The following LAPTM4B variants were observed in gnomAD, a reference collection of about 807,000 sequenced individuals.
The protein encoded by LAPTM4B is lysosomal protein transmembrane 4 beta.
Under a neutral mutation model 28.5 loss-of-function variants are expected in LAPTM4B, and 26 were observed. The ratio of observed to expected loss-of-function variants is 0.91; its 90% CI spans 0.67 to 1.27. The LOEUF is 1.27. Among genes scored for constraint, LAPTM4B ranks in the 50% most tolerant of loss-of-function variants. The probability of loss-of-function intolerance (pLI) is 0.00; values close to 1 mark genes in which losing one functional copy is unlikely to be tolerated. For missense variants in LAPTM4B, 288 were observed against 285.8 expected (o/e 1.01, Z -0.06); for synonymous variants, 109 against 106.4 (o/e 1.02, Z -0.15).
chr8:97,826,987 A>T (rs978263317), intron 6 of LAPTM4B, among the ~76,000 whole-genome samples: 4 of 152,262 alleles, frequency 2.6e-5, no homozygotes, highest in African/African-American at 9.6e-5. Flanking sequence ...CACAAGATAC[A>T]TCAGAACCTC....
rs546425169 is a variant in LAPTM4B at position 97,800,484 on chromosome 8, C to CTTT, written c.100-4844_100-4842dup. On this transcript the variant is annotated intron_variant, in intron 1 of 6. Coordinates refer to ENST00000521545, the MANE Select transcript of LAPTM4B (RefSeq NM_018407.6). The stretch of plus-strand genomic sequence containing the variant: ...CTTCTGTAATATTACCCCTTGACCT[C>CTTT]TTTTTTTTTTTTTTTTTTTTTTTTT... Among the ~76,000 whole-genome samples, 384 of 69,328 alleles carry CTTT rather than the reference C, an allele frequency of 5.5e-3. 48 individuals carry two copies. The highest frequency in any genetic ancestry group is 0.025 in the African/African-American group (340 of 13,394). The allele number at this position is 69,328 out of a possible 152,430, so 45.5% of individuals were successfully genotyped here. A position where few individuals can be genotyped will look rare whatever the true frequency, so the allele number is the denominator to read the frequency against.
At chr8:97,847,272 T>A (rs1359956715) in intron 6 of LAPTM4B, among the ~76,000 whole-genome samples, 2 of 152,236 alleles carry the variant, frequency 1.3e-5, no homozygotes, top group Admixed American at 6.5e-5. Flanking sequence ...TAGATTAGAA[T>A]TTGGTTGTAT....
chr8:97,814,757 G>A (rs1016622077), intron 2 of LAPTM4B, among the ~76,000 whole-genome samples: 9 of 118,430 alleles, frequency 7.6e-5, no homozygotes, highest in Non-Finnish European at 1.4e-4. Flanking sequence ...GCAGTGGCGC[G>A]ATCTCGGCTC....
At chr8:97,777,127 T>C (rs1218045985) in intron 1 of LAPTM4B, among the ~76,000 whole-genome samples, 1 of 149,314 alleles carries the variant, frequency 6.7e-6, no homozygotes, top group Non-Finnish European at 1.5e-5. Flanking sequence ...ATATAACTTT[T>C]TTCAGTGAGG....
chr8:97,842,356 G>C (rs990303911), intron 6 of LAPTM4B, among the ~76,000 whole-genome samples: 1 of 151,900 alleles, frequency 6.6e-6, no homozygotes, highest in Non-Finnish European at 1.5e-5. Flanking sequence ...AGCCTTACTA[G>C]AAATTTAGGC....
intron 6 of LAPTM4B, among the ~76,000 whole-genome samples, chr8:97,837,288 G>C (rs1817277428): frequency 6.7e-6 from 1 of 150,254 alleles, no homozygotes; most frequent in Admixed American, 6.7e-5. Context: ...TGCTTCCCAG[G>C]TTCACGTTAT....
rs1239022473 is a variant in LAPTM4B, at chr8:97,831,959, G to A, written c.603+6806G>A. Among the ~76,000 whole-genome samples, 7 of 152,166 alleles carry A rather than the reference G, an allele frequency of 4.6e-5. No homozygotes were observed. The East Asian group carries it at 5.8e-4, about 13-fold the overall frequency. On this transcript the variant is annotated intron_variant, in intron 6 of 6. Coordinates refer to ENST00000521545, the MANE Select transcript of LAPTM4B (RefSeq NM_018407.6). ...GCTTGTTGGTGGGAGAAACCCCCAC[G>A]CCTTTGGTCACAGGAGCCTTCTGCT... is the stretch of plus-strand genomic sequence containing the variant.
At chr8:97,781,524 C>A (rs745566955) in intron 1 of LAPTM4B, among the ~76,000 whole-genome samples, 2 of 151,822 alleles carry the variant, frequency 1.3e-5, no homozygotes, top group East Asian at 3.9e-4. Flanking sequence ...GTGATCCGCC[C>A]GCCTCGGCCT....
chr8:97,829,658 A>G (rs1452967928), intron 6 of LAPTM4B, among the ~76,000 whole-genome samples: 2 of 151,186 alleles, frequency 1.3e-5, no homozygotes, highest in African/African-American at 4.9e-5. Flanking sequence ...AGTATGAGAT[A>G]TTGGGGGAGT....
rs533357153 is a variant in LAPTM4B, at chr8:97,850,244, C to G, written c.604-1153C>G. 3.2e-4 allele frequency among the ~76,000 whole-genome samples: 49 copies of G among 152,050 alleles called. 1 individual carries two copies. Among genetic ancestry groups the G allele is most frequent in the African/African-American group, 1.1e-3 (47 of 41,318 alleles). On this transcript the variant is annotated intron_variant, in intron 6 of 6. Coordinates refer to ENST00000521545, the MANE Select transcript of LAPTM4B (RefSeq NM_018407.6). ...GTGGCTTCTGTGTTCTGACTGGACC[C>G]TAGCCAGTACAGGTGCCCTCTGCCT... is the stretch of plus-strand genomic sequence containing the variant.
intron 2 of LAPTM4B, among the ~76,000 whole-genome samples, chr8:97,814,765 C>CT (rs1184507770): frequency 1.3e-4 from 15 of 118,326 alleles, no homozygotes; most frequent in African/African-American, 3.9e-4. Context: ...GCGATCTCGG[C>CT]TCACTGCAAG....
At chr8:97,819,089 C>G in intron 4 of LAPTM4B, 51 bp from the exon 5 acceptor site, 1 of 1,085,590 alleles carries the variant, frequency 9.2e-7, no homozygotes, top group Non-Finnish European at 1.4e-6. Flanking sequence ...CCAAGGAATA[C>G]TGTCTGGAAT....
chr8:97,817,641 G>A (rs183612154), intron 4 of LAPTM4B, among the ~76,000 whole-genome samples: 2 of 151,706 alleles, frequency 1.3e-5, no homozygotes, highest in African/African-American at 2.4e-5. Context: ...GTAGAGATGG[G>A]GTTTCACCAT....
intron 6 of LAPTM4B, among the ~76,000 whole-genome samples, chr8:97,839,819 T>C (rs143303804): frequency 6.6e-6 from 1 of 152,342 alleles, no homozygotes; most frequent in African/African-American, 2.4e-5. Context: ...TAGGGACAAA[T>C]AAGGCAAGGA....
rs1462511406 is a variant in LAPTM4B at position 97,776,255 on chromosome 8, G to C, written c.99+147G>C. On this transcript the variant is annotated intron_variant, in intron 1 of 6. Coordinates refer to ENST00000521545, the MANE Select transcript of LAPTM4B (RefSeq NM_018407.6). ...ACTTAATTCTCCGGGTGCCGCGTCCGCACTTCCCCCGGCTGGGCCAGCGCC... is the reference window on the plus strand; with the variant it reads ...ACTTAATTCTCCGGGTGCCGCGTCCCCACTTCCCCCGGCTGGGCCAGCGCC... 4.7e-6 allele frequency: 5 copies of C among 1,071,582 alleles called. No homozygotes were observed. The Middle Eastern group carries it at 9.8e-4, about 209-fold the overall frequency. The allele number at this position is 1,071,582 out of a possible 1,614,324, so 66.4% of individuals were successfully genotyped here.
chr8:97,776,136 C>T (rs771729760), intron 1 of LAPTM4B, 28 bp downstream of exon 1: 27 of 1,484,238 alleles, frequency 1.8e-5, no homozygotes, highest in Non-Finnish European at 2.5e-5. Context: ...GGCCCGGGAC[C>T]CTGCGTTGCT....
chr8:97,851,567 G>C lies in LAPTM4B; in HGVS notation c.*93G>C, dbSNP rs982790710. On this transcript the variant is annotated 3_prime_UTR_variant, in exon 7 of 7. Transcript: ENST00000521545. ...TTTCACTTTTGCCATGAGCCTCTCT[G>C]AGCTTGTTTGTTGCTGAAATGCTAC... The C allele has an allele frequency of 3.2e-6, 3 of 928,594 alleles. No individual in the cohort carries two copies. The allele number at this position is 928,594 out of a possible 1,614,324, so 57.5% of individuals were successfully genotyped here. A position where few individuals can be genotyped will look rare whatever the true frequency, so the allele number is the denominator to read the frequency against.
chr8:97,790,491 T>C (rs1348733674), intron 1 of LAPTM4B, among the ~76,000 whole-genome samples: 2 of 151,790 alleles, frequency 1.3e-5, no homozygotes, highest in Non-Finnish European at 2.9e-5. Context: ...TTTGTATTTT[T>C]AGTAGAGATG....
At chr8:97,828,304 G>T (rs1407819931) in intron 6 of LAPTM4B, among the ~76,000 whole-genome samples, 1 of 152,160 alleles carries the variant, frequency 6.6e-6, no homozygotes, top group African/African-American at 2.4e-5. Flanking sequence ...AGGTTAAATT[G>T]AAGGGAGACC....
Sources: allele counts gnomAD v4.1 joint callset (sites outside exome capture counted in the v4.1 genomes callset), GRCh38; gene constraint gnomAD v4.1.1; transcripts MANE v1.5; gene names NCBI Gene and HGNC (gene_info 2026-07-23, HGNC 2026-07-21).